The following NDST3 variants were observed in gnomAD, a reference collection of about 807,000 sequenced individuals.
The protein encoded by NDST3 is N-deacetylase and N-sulfotransferase 3.
A neutral mutation model predicts 96.1 loss-of-function variants in NDST3; 58 were observed. The observed-to-expected ratio is 0.60, with a 90% CI of 0.49 to 0.75. The LOEUF is 0.75. Ranked by LOEUF, NDST3 falls within the 30% of genes least tolerant of loss-of-function variation. The probability of loss-of-function intolerance (pLI) is 0.00; values close to 1 mark genes in which losing one functional copy is unlikely to be tolerated. For missense variants in NDST3, 788 were observed against 1,034.2 expected (o/e 0.76, Z 3.27); for synonymous variants, 333 against 359.7 (o/e 0.93, Z 0.84).
intron 6 of NDST3, among the ~76,000 whole-genome samples, chr4:118,220,772 T>A (rs966845232): frequency 1.3e-5 from 2 of 152,014 alleles, no homozygotes; most frequent in Non-Finnish European, 2.9e-5. Flanking sequence ...CTTACCAAGC[T>A]GTTTTTTGTA....
intron 12 of NDST3, among the ~76,000 whole-genome samples, chr4:118,246,687 TAC>T (rs761152049): frequency 6.6e-6 from 1 of 152,106 alleles, no homozygotes; most frequent in Non-Finnish European, 1.5e-5. Context: ...TCAGGAAACT[TAC>T]AGTTATGGCA....
At chr4:118,209,581 G>A (rs192195611) in intron 6 of NDST3, among the ~76,000 whole-genome samples, 478 of 152,250 alleles carry the variant, frequency 3.1e-3, no homozygotes, top group Non-Finnish European at 5.1e-3. Flanking sequence ...TCTTTAGCTC[G>A]TAATAAAAGG....
intron 6 of NDST3, among the ~76,000 whole-genome samples, chr4:118,204,758 CTA>C (rs1738326339): frequency 6.9e-6 from 1 of 144,280 alleles, no homozygotes; most frequent in East Asian, 2.0e-4. Context: ...ATAAATCTAT[CTA>C]TATATATTCT....
chr4:118,155,871 G>A (rs1734680608), intron 6 of NDST3, among the ~76,000 whole-genome samples: 1 of 152,024 alleles, frequency 6.6e-6, no homozygotes, highest in South Asian at 2.1e-4. Context: ...GGAGTTTTTG[G>A]AATGGATATT....
intron 6 of NDST3, among the ~76,000 whole-genome samples, chr4:118,198,807 A>G (rs1737871429): frequency 6.6e-6 from 1 of 151,468 alleles, no homozygotes; most frequent in Admixed American, 6.6e-5. Context: ...TTCATTCTTG[A>G]AGGATATTTT....
intron 6 of NDST3, among the ~76,000 whole-genome samples, chr4:118,220,492 C>T (rs963591638): frequency 2.0e-5 from 3 of 151,902 alleles, no homozygotes; most frequent in African/African-American, 7.3e-5. Context: ...GGGCAAATAG[C>T]TAATGTATAT....
intron 9 of NDST3, among the ~76,000 whole-genome samples, chr4:118,234,397 G>A (rs891245725): frequency 1.3e-5 from 2 of 152,058 alleles, no homozygotes; most frequent in East Asian, 1.9e-4. Context: ...CTGAGTGACA[G>A]AGTGAGACCC....
chr4:118,162,437 A>C (rs1735226405), intron 6 of NDST3, among the ~76,000 whole-genome samples: 2 of 152,084 alleles, frequency 1.3e-5, no homozygotes, highest in Non-Finnish European at 2.9e-5. Context: ...GCCCTCAGAA[A>C]TAATGCTGCG....
chr4:118,255,803 A>G lies in NDST3; in HGVS notation c.*91A>G. The G allele has an allele frequency of 7.5e-7, 1 of 1,333,626 alleles. No homozygotes were observed. Among genetic ancestry groups the G allele is most frequent in the Non-Finnish European group, 1.0e-6 (1 of 996,342 alleles). The allele number at this position is 1,333,626 out of a possible 1,614,324, so 82.6% of individuals were successfully genotyped here. A position where few individuals can be genotyped will look rare whatever the true frequency, so the allele number is the denominator to read the frequency against. On this transcript the variant is annotated 3_prime_UTR_variant, in exon 14 of 14. Coordinates refer to ENST00000296499, the MANE Select transcript of NDST3 (RefSeq NM_004784.3). ...CTACCAAAAGGCAGTTGAAAAATAT[A>G]CCTCTTCAAATGAGAAAAAAGAACA...
In NDST3 at chr4:118,208,382, T is replaced by C. The variant is rs1376003147; in HGVS notation, c.1540-16109T>C. On this transcript the variant is annotated intron_variant, in intron 6 of 13. Coordinates refer to ENST00000296499, the MANE Select transcript of NDST3 (RefSeq NM_004784.3). The stretch of plus-strand genomic sequence containing the variant: ...TTGAAATTTTTTATATTTCTGGTCT[T>C]TCCCCCATCTCTGCAGAGATGCCTT... Among the ~76,000 whole-genome samples, 4 of 143,972 alleles carry C rather than the reference T, an allele frequency of 2.8e-5. 1 individual carries two copies. The highest frequency in any genetic ancestry group is 6.2e-5 in the Non-Finnish European group (4 of 65,024). The allele number at this position is 143,972 out of a possible 152,430, so 94.5% of individuals were successfully genotyped here.
At chr4:118,089,643 A>G (rs1305230598) in intron 2 of NDST3, among the ~76,000 whole-genome samples, 9 of 151,976 alleles carry the variant, frequency 5.9e-5, no homozygotes, top group Admixed American at 5.9e-4. Context: ...TAAAACATTG[A>G]AGTTTATGTT....
rs1401271915 is a variant in NDST3 at position 118,231,059 on chromosome 4, G to A, written c.1820-1953G>A. On this transcript the variant is annotated intron_variant, in intron 8 of 13. Coordinates refer to ENST00000296499, the MANE Select transcript of NDST3 (RefSeq NM_004784.3). ...CCATATTAATACTATTTAAGGGCGG[G>A]GCACAGTGGCTCATGCCTGTGATCC... Among the ~76,000 whole-genome samples the A allele has an allele frequency of 2.0e-5, 3 of 152,074 alleles. No individual in the cohort carries two copies. The East Asian group carries it at 5.8e-4, about 29-fold the overall frequency.
chr4:118,203,954 A>T (rs534410643), intron 6 of NDST3, among the ~76,000 whole-genome samples: 28 of 152,272 alleles, frequency 1.8e-4, no homozygotes, highest in African/African-American at 6.5e-4. Context: ...CCCCTGAAAT[A>T]TTGCCATTTT....
chr4:118,096,945 A>G (rs1729366367), intron 2 of NDST3, among the ~76,000 whole-genome samples: 2 of 151,880 alleles, frequency 1.3e-5, no homozygotes, highest in Non-Finnish European at 2.9e-5. Context: ...GGAAAAGATC[A>G]ATGTTCCAGC....
At chr4:118,113,357 G>A (rs536317068) in intron 3 of NDST3, among the ~76,000 whole-genome samples, 5 of 152,190 alleles carry the variant, frequency 3.3e-5, no homozygotes, top group African/African-American at 4.8e-5. Context: ...ATCTTTGTAC[G>A]TAGTGGAGAG....
At chr4:118,156,998 T>C (rs1227818685) in intron 6 of NDST3, among the ~76,000 whole-genome samples, 1 of 152,310 alleles carries the variant, frequency 6.6e-6, no homozygotes, top group East Asian at 1.9e-4. Context: ...ACAATCTGAG[T>C]GCAAACCATT....
chr4:118,049,921 G>A (rs1202212115), intron 1 of NDST3, among the ~76,000 whole-genome samples: 1 of 151,964 alleles, frequency 6.6e-6, no homozygotes. Flanking sequence ...ATCTGGCAGA[G>A]ACACAATGAA....
At chr4:118,120,359 C>T (rs769963069) in intron 4 of NDST3, among the ~76,000 whole-genome samples, 3 of 151,968 alleles carry the variant, frequency 2.0e-5, no homozygotes, top group Non-Finnish European at 4.4e-5. Flanking sequence ...TGGGCAAGAG[C>T]CTTTACTGTG....
intron 6 of NDST3, among the ~76,000 whole-genome samples, chr4:118,195,432 C>T (rs2125971472): frequency 6.6e-6 from 1 of 152,262 alleles, no homozygotes; most frequent in East Asian, 1.9e-4. Flanking sequence ...TCTTGCCTGC[C>T]ACCATGTAAG....
Sources: allele counts gnomAD v4.1 joint callset (sites outside exome capture counted in the v4.1 genomes callset), GRCh38; gene constraint gnomAD v4.1.1; transcripts MANE v1.5; gene names NCBI Gene and HGNC (gene_info 2026-07-23, HGNC 2026-07-21).